RANBP2: variants seen among roughly 807,000 people sequenced by gnomAD.
RANBP2 encodes RAN binding protein 2.
A neutral mutation model predicts 303.6 loss-of-function variants in RANBP2; 57 were observed. That is an observed-to-expected ratio of 0.19 (90% CI 0.15 to 0.23). The LOEUF is 0.23. Among genes scored for constraint, RANBP2 ranks in the 10% least tolerant of loss-of-function variants. The probability of loss-of-function intolerance (pLI) is 1.00; values close to 1 mark genes in which losing one functional copy is unlikely to be tolerated. For missense variants in RANBP2, 3,138 were observed against 3,780.8 expected (o/e 0.83, Z 4.46); for synonymous variants, 1,167 against 1,301.5 (o/e 0.90, Z 2.23).
chr2:109,097,078 G>T, the RANBP2 span, among the ~76,000 whole-genome samples: 3 of 152,062 alleles, frequency 2.0e-5, no homozygotes, highest in Admixed American at 2.0e-4. Context: ...GGCCGAGGTG[G>T]GCGGATCATG....
the RANBP2 span, among the ~76,000 whole-genome samples, chr2:109,178,278 T>A: frequency 6.6e-6 from 1 of 152,232 alleles, no homozygotes; most frequent in Non-Finnish European, 1.5e-5. Flanking sequence ...ATCTGCCTCT[T>A]TGCTTTAATT....
the RANBP2 span, among the ~76,000 whole-genome samples, chr2:109,244,966 A>C: frequency 6.6e-5 from 10 of 152,272 alleles, no homozygotes; most frequent in African/African-American, 2.2e-4. Flanking sequence ...ATCAGGTGCC[A>C]GTATCTCTAT....
the RANBP2 span, among the ~76,000 whole-genome samples, chr2:108,861,994 TTA>T: frequency 6.6e-6 from 1 of 152,082 alleles, no homozygotes; most frequent in Non-Finnish European, 1.5e-5. Flanking sequence ...TTTCATGTGT[TTA>T]TATGTTTTTG....
the RANBP2 span, among the ~76,000 whole-genome samples, chr2:108,835,076 CAT>C: frequency 2.0e-5 from 3 of 152,166 alleles, no homozygotes; most frequent in Non-Finnish European, 4.4e-5. Flanking sequence ...AGTCAGAAAA[CAT>C]ATCTGCTGCA....
the RANBP2 span, among the ~76,000 whole-genome samples, chr2:109,121,960 C>G: frequency 6.6e-6 from 1 of 152,294 alleles, no homozygotes; most frequent in East Asian, 1.9e-4. Flanking sequence ...CAGCAGGTGT[C>G]TACTGAGTAC....
chr2:108,748,051 G>A (rs1436525936), intron 8 of RANBP2, among the ~76,000 whole-genome samples: 1 of 152,126 alleles, frequency 6.6e-6, no homozygotes, highest in South Asian at 2.1e-4. Flanking sequence ...CATATAGTAT[G>A]TGGTCTTTTG....
chr2:109,590,309 A>G, the RANBP2 span, among the ~76,000 whole-genome samples: 1 of 152,068 alleles, frequency 6.6e-6, no homozygotes, highest in African/African-American at 2.4e-5. Context: ...TTATTAAATC[A>G]AACGCTAACC....
chr2:108,891,979 C>T, the RANBP2 span, among the ~76,000 whole-genome samples: 3 of 152,226 alleles, frequency 2.0e-5, no homozygotes, highest in Admixed American at 1.3e-4. Flanking sequence ...AGAATATGTG[C>T]CCTGTCTGAA....
At chr2:109,685,054 G>T in the RANBP2 span, among the ~76,000 whole-genome samples, 2 of 149,314 alleles carry the variant, frequency 1.3e-5, no homozygotes, top group Non-Finnish European at 3.0e-5. Context: ...TTGTATTTTT[G>T]TAGAGACAGG....
At chr2:109,347,964 G>A in the RANBP2 span, 46 of 1,586,642 alleles carry the variant, frequency 2.9e-5, no homozygotes, top group Admixed American at 3.6e-5. Flanking sequence ...GGTGAGCCCC[G>A]GGGTGGGCCC....
At chr2:109,517,319 C>T in the RANBP2 span, among the ~76,000 whole-genome samples, 2 of 152,086 alleles carry the variant, frequency 1.3e-5, no homozygotes, top group Admixed American at 1.3e-4. Context: ...CCGGACTGTG[C>T]GGGGCCTGGG....
chr2:109,535,951 T>C, the RANBP2 span, among the ~76,000 whole-genome samples: 1 of 149,826 alleles, frequency 6.7e-6, no homozygotes. Context: ...AACTTGCAAG[T>C]GCACAGAAGT....
chr2:109,019,884 C>A, the RANBP2 span, among the ~76,000 whole-genome samples: 1 of 152,142 alleles, frequency 6.6e-6, no homozygotes, highest in Admixed American at 6.6e-5. Context: ...AAGGGGTTTT[C>A]TATAATGGAG....
the RANBP2 span, among the ~76,000 whole-genome samples, chr2:109,642,437 A>T: frequency 6.6e-6 from 1 of 152,154 alleles, no homozygotes; most frequent in Non-Finnish European, 1.5e-5. Context: ...TGGATAGGAA[A>T]GTCATGTGCA....
chr2:109,204,855 G>A, the RANBP2 span, among the ~76,000 whole-genome samples: 1 of 152,204 alleles, frequency 6.6e-6, no homozygotes, highest in Admixed American at 6.5e-5. Flanking sequence ...TGGAAGTGGG[G>A]GCTAAACTAA....
chr2:109,487,915 C>T, the RANBP2 span, among the ~76,000 whole-genome samples: 1 of 152,226 alleles, frequency 6.6e-6, no homozygotes, highest in Non-Finnish European at 1.5e-5. Context: ...ACAAACACGA[C>T]CCCTGTACTT....
the RANBP2 span, among the ~76,000 whole-genome samples, chr2:108,872,198 G>T: frequency 2.6e-5 from 4 of 152,272 alleles, no homozygotes; most frequent in East Asian, 7.7e-4. Flanking sequence ...TCAGAGAAGA[G>T]TCTGATCATT....
At chr2:109,055,386 C>CGG in the RANBP2 span, among the ~76,000 whole-genome samples, 1,522 of 123,026 alleles carry the variant, frequency 0.012, 31 homozygotes, top group African/African-American at 0.043. Flanking sequence ...TTTTTTGAGA[C>CGG]AGTCTCACTC....
the RANBP2 span, among the ~76,000 whole-genome samples, chr2:109,670,014 C>T: frequency 5.3e-5 from 8 of 152,106 alleles, no homozygotes; most frequent in Admixed American, 2.0e-4. Flanking sequence ...CTGCAGTCTC[C>T]GTCACAGCCA....
Sources: allele counts gnomAD v4.1 joint callset (sites outside exome capture counted in the v4.1 genomes callset), GRCh38; gene constraint gnomAD v4.1.1; transcripts MANE v1.5; gene names NCBI Gene and HGNC (gene_info 2026-07-23, HGNC 2026-07-21).